The following LHFPL3 variants were observed in gnomAD, a reference collection of about 807,000 sequenced individuals.
LHFPL3 encodes the protein LHFPL tetraspan subfamily member 3 protein.
Under a neutral mutation model 19.3 loss-of-function variants are expected in LHFPL3, and 5 were observed. The observed-to-expected ratio is 0.26, with a 90% CI of 0.14 to 0.54. The LOEUF (loss-of-function observed/expected upper bound fraction) is 0.54, where lower values mean the gene tolerates loss of function less well. Among genes scored for constraint, LHFPL3 ranks in the 20% least tolerant of loss-of-function variants. LHFPL3 has a pLI of 0.94. For missense variants in LHFPL3, 249 were observed against 307.4 expected, an observed-to-expected ratio of 0.81 and a Z score of 1.42; for synonymous variants, 133 against 126.2, an observed-to-expected ratio of 1.05 and a Z score of -0.36.
chr7:104,638,950 A>G (rs1791781096), intron 1 of LHFPL3, among the ~76,000 whole-genome samples: 1 of 151,278 alleles, frequency 6.6e-6, no homozygotes, highest in Non-Finnish European at 1.5e-5. Context: ...TTTTTGGTAG[A>G]AACAGGGTTT....
chr7:104,541,184 G>T (rs1184124810), intron 1 of LHFPL3, among the ~76,000 whole-genome samples: 1 of 151,390 alleles, frequency 6.6e-6, no homozygotes, highest in Non-Finnish European at 1.5e-5. Flanking sequence ...CAAAGGGAGA[G>T]CTTCTCTGAT....
intron 1 of LHFPL3, among the ~76,000 whole-genome samples, chr7:104,332,254 G>A (rs1439877403): frequency 8.9e-6 from 1 of 112,414 alleles, no homozygotes; most frequent in African/African-American, 3.5e-5. Flanking sequence ...TTTTGAGATG[G>A]AGTCTCGCTC....
At chr7:104,824,282 ATATATAATATAT>A (rs1335831802) in intron 2 of LHFPL3, among the ~76,000 whole-genome samples, 1 of 22,272 alleles carries the variant, frequency 4.5e-5, no homozygotes. Context: ...TATATACAAT[ATATATAATATAT>A]TATATATTAT....
Position 104,422,301 on chromosome 7 carries a change from CAGTG to C in LHFPL3, c.445+93080_445+93083del, listed in dbSNP as rs1373701232. The stretch of plus-strand genomic sequence containing the variant: ...ACTTGAACCCGGGAGGTGGAGGTTG[CAGTG>C]AGCCGAGATTGTGCCACTGCACTCC... On this transcript the variant is annotated intron_variant, in intron 1 of 2. Transcript: ENST00000424859. Among the ~76,000 whole-genome samples, 3 of 152,192 alleles carry C rather than the reference CAGTG, an allele frequency of 2.0e-5. No homozygotes were observed. The East Asian group carries it at 5.8e-4, about 29-fold the overall frequency.
intron 1 of LHFPL3, among the ~76,000 whole-genome samples, chr7:104,424,899 G>A (rs957510669): frequency 7.3e-5 from 11 of 150,332 alleles, no homozygotes; most frequent in Non-Finnish European, 1.0e-4. Context: ...GGAGAATGGC[G>A]TGAACCCGGG....
At position 104,484,314 on chromosome 7, in the gene LHFPL3, C is replaced by T. The variant is rs777727927; in HGVS notation, c.445+155090C>T. Reference sequence around the variant, plus strand: ...CCCATCAGGGATCTCAAAGCACACTCCCTGCTACACTTGCCCCACCCTCAC... The same window carrying T: ...CCCATCAGGGATCTCAAAGCACACTTCCTGCTACACTTGCCCCACCCTCAC... On this transcript the variant is annotated intron_variant, in intron 1 of 2. Coordinates refer to ENST00000424859, the MANE Select transcript of LHFPL3 (RefSeq NM_199000.3). 4.8e-5 allele frequency among the ~76,000 whole-genome samples: 7 copies of T among 146,250 alleles called. No homozygotes were observed. In the Middle Eastern group the frequency reaches 0.01, roughly 216 times the overall value.
chr7:104,871,130 G>A (rs973260451), intron 2 of LHFPL3, among the ~76,000 whole-genome samples: 7 of 152,188 alleles, frequency 4.6e-5, no homozygotes, highest in Non-Finnish European at 7.4e-5. Context: ...AGATTTCATC[G>A]TTGTGTGAAC....
At chr7:104,612,303 C>G (rs1791226982) in intron 1 of LHFPL3, among the ~76,000 whole-genome samples, 1 of 152,048 alleles carries the variant, frequency 6.6e-6, no homozygotes, top group Non-Finnish European at 1.5e-5. Flanking sequence ...TAGCCATCTC[C>G]TAGGTTATTT....
intron 2 of LHFPL3, chr7:104,803,443 A>G (rs1300327743): frequency 6.6e-6 from 1 of 152,228 alleles, no homozygotes; most frequent in Non-Finnish European, 1.5e-5. Flanking sequence ...TTCAGTTTGC[A>G]TAACTAACCC....
chr7:104,834,151 G>A (rs1275456273), intron 2 of LHFPL3, among the ~76,000 whole-genome samples: 1 of 151,010 alleles, frequency 6.6e-6, no homozygotes, highest in Non-Finnish European at 1.5e-5. Context: ...GATTAAGGGT[G>A]GGTCTGCCTT....
intron 1 of LHFPL3, among the ~76,000 whole-genome samples, chr7:104,595,102 T>C (rs531496079): frequency 4.0e-4 from 61 of 152,342 alleles, no homozygotes; most frequent in African/African-American, 1.5e-3. Context: ...GCTGTGAACC[T>C]TTCGAGGAGA....
At chr7:104,572,600 A>G (rs1191036084) in intron 1 of LHFPL3, among the ~76,000 whole-genome samples, 1 of 152,150 alleles carries the variant, frequency 6.6e-6, no homozygotes, top group Non-Finnish European at 1.5e-5. Flanking sequence ...GAAAAATGCA[A>G]TCTACTGTGT....
chr7:104,671,539 G>T (rs1057174626), intron 1 of LHFPL3, among the ~76,000 whole-genome samples: 8 of 131,164 alleles, frequency 6.1e-5, no homozygotes, highest in East Asian at 2.1e-4. Context: ...TGGGTTTTTT[G>T]TTTTCTCCAA....
At chr7:104,420,166 G>A (rs1034428362) in intron 1 of LHFPL3, among the ~76,000 whole-genome samples, 6 of 152,118 alleles carry the variant, frequency 3.9e-5, no homozygotes, top group Admixed American at 1.3e-4. Context: ...CACTTTTCTG[G>A]GTCTTCTTCT....
At chr7:104,519,241 G>A (rs1428107418) in intron 1 of LHFPL3, among the ~76,000 whole-genome samples, 1 of 152,060 alleles carries the variant, frequency 6.6e-6, no homozygotes, top group Admixed American at 6.6e-5. Flanking sequence ...GCTAGGATTG[G>A]GGCCTTTGAG....
chr7:104,565,247 G>C (rs945923474), intron 1 of LHFPL3, among the ~76,000 whole-genome samples: 4 of 152,166 alleles, frequency 2.6e-5, no homozygotes, highest in African/African-American at 9.7e-5. Context: ...ATTCAGCTCT[G>C]TGGCTCCTAG....
At chr7:104,389,337 C>T (rs115263642) in intron 1 of LHFPL3, among the ~76,000 whole-genome samples, 3,512 of 151,976 alleles carry the variant, frequency 0.023, 136 homozygotes, top group African/African-American at 0.08. Context: ...ACTTGCAGAC[C>T]GAAAACTACA....
At chr7:104,653,184 C>T (rs919620407) in intron 1 of LHFPL3, among the ~76,000 whole-genome samples, 2 of 152,166 alleles carry the variant, frequency 1.3e-5, no homozygotes, top group African/African-American at 4.8e-5. Context: ...TACATGAAAT[C>T]GTTTGTGCTG....
chr7:104,485,799 G>A (rs995431316), intron 1 of LHFPL3, among the ~76,000 whole-genome samples: 4 of 151,834 alleles, frequency 2.6e-5, no homozygotes, highest in Admixed American at 6.6e-5. Flanking sequence ...GGCCTCGCTC[G>A]GTGTGTGATG....
Sources: gnomAD v4.1 joint callset for allele counts (sites outside exome capture counted in the v4.1 genomes callset) on GRCh38, gnomAD v4.1.1 for gene constraint, MANE v1.5 for transcripts, NCBI Gene and HGNC (gene_info 2026-07-23, HGNC 2026-07-21) for gene names.